HMGN5: variants seen among roughly 807,000 people sequenced by gnomAD.
The protein encoded by HMGN5 is high mobility group nucleosome-binding domain-containing protein 5.
A neutral mutation model predicts 9.5 loss-of-function variants in HMGN5; 4 were observed. The observed-to-expected ratio is 0.42, with a 90% CI of 0.21 to 0.96. HMGN5 has a LOEUF of 0.96. Among genes scored for constraint, HMGN5 ranks in the 40% least tolerant of loss-of-function variants. HMGN5 has a pLI of 0.30. For missense variants in HMGN5, 192 were observed against 187.5 expected, an observed-to-expected ratio of 1.02 and a Z score of -0.14; for synonymous variants, 55 against 57.1, an observed-to-expected ratio of 0.96 and a Z score of 0.16.
chrX:81,142,213 T>G (rs954292741), intron 1 of HMGN5, among the ~76,000 whole-genome samples: 1 of 111,820 alleles, frequency 8.9e-6, no homozygotes, highest in African/African-American at 3.3e-5. Flanking sequence ...CCTCAGGATC[T>G]AGAAAACAGC....
At position 81,121,618 on chromosome X, in the gene HMGN5, TC is replaced by T; in HGVS notation, c.-70del. 14 of 840,278 alleles carry T rather than the reference TC, an allele frequency of 1.7e-5. No individual in the cohort carries two copies. The highest frequency in any genetic ancestry group is 2.4e-5 in the Non-Finnish European group (14 of 591,908). 69.2% of individuals were successfully genotyped at this position (840,278 alleles called of 1,213,427 possible). ...CCGAAGGCAGTCACTGCCTGACTGC[TC>T]CAAGAGCAAATGAGTTTTCAATGAA... On this transcript the variant is annotated 5_prime_UTR_variant, in exon 2 of 7. Transcript: ENST00000358130.
chrX:81,114,942 C>A lies in HMGN5; in HGVS notation c.556G>T (p.Gly186Ter), dbSNP rs912785019. 8.6e-7 allele frequency: 1 copy of A among 1,157,815 alleles called. No homozygotes were observed. The highest frequency in any genetic ancestry group is 1.8e-5 in the African/African-American group (1 of 54,892). The stretch of plus-strand genomic sequence containing the variant: ...TCTCCTTTCTCTTTTCCATCTTCTC[C>A]ATTTCCTTTTCCGTCTTCACCTTTT... Reference protein sequence around the residue: ...GKKGEDGKGNGEDGKEKGEDE... With the variant: ...GKKGEDGKGN The change falls in exon 7 of 7, where the codon GGA becomes TGA. Residue 186 changes from glycine to a stop codon, truncating the protein, a stop_gained. Coordinates refer to ENST00000358130, the MANE Select transcript of HMGN5 (RefSeq NM_030763.3). LOFTEE classifies it low-confidence loss of function (END_TRUNC).
At chrX:81,186,446 T>C (rs1602582533) in intron 1 of HMGN5, among the ~76,000 whole-genome samples, 1 of 112,155 alleles carries the variant, frequency 8.9e-6, no homozygotes, top group Middle Eastern at 4.6e-3. Context: ...TCAGTATCAA[T>C]TGAAATGTCA....
At chrX:81,180,485 C>CA (rs769473695) in intron 1 of HMGN5, among the ~76,000 whole-genome samples, 1 of 112,242 alleles carries the variant, frequency 8.9e-6, no homozygotes, top group Admixed American at 9.4e-5. Flanking sequence ...AAATGCAAAT[C>CA]AAAACCACAG....
At chrX:81,136,946 T>C (rs2075312763) in intron 1 of HMGN5, among the ~76,000 whole-genome samples, 1 of 111,440 alleles carries the variant, frequency 9.0e-6, no homozygotes, top group Non-Finnish European at 1.9e-5. Flanking sequence ...TTACTAGAGA[T>C]AGAGGGACTT....
chrX:81,163,669 TCCTAA>T (rs1024289484), intron 1 of HMGN5, among the ~76,000 whole-genome samples: 6 of 112,027 alleles, frequency 5.4e-5, no homozygotes, highest in African/African-American at 1.9e-4. Context: ...CTTTCTACCT[TCCTAA>T]CCTAAGGAAT....
At position 81,167,453 on chromosome X, in the gene HMGN5, T is replaced by TACAC. The variant is rs371953666; in HGVS notation, c.-124+34280_-124+34283dup. The stretch of plus-strand genomic sequence containing the variant: ...GCTTTATCCAGCAAACATATTTGTG[T>TACAC]ACACACACACACACACACACACACA... On this transcript the variant is annotated intron_variant, in intron 1 of 6. Coordinates refer to ENST00000358130, the MANE Select transcript of HMGN5 (RefSeq NM_030763.3). Among the ~76,000 whole-genome samples the TACAC allele has an allele frequency of 3.2e-3, 328 of 102,915 alleles. 3 individuals carry two copies. The highest frequency in any genetic ancestry group is 0.014 in the East Asian group (46 of 3,265). 89.4% of individuals were successfully genotyped at this position (102,915 alleles called of 115,157 possible).
chrX:81,160,156 T>C (rs1040343549), intron 1 of HMGN5, among the ~76,000 whole-genome samples: 1 of 111,419 alleles, frequency 9.0e-6, no homozygotes, highest in Admixed American at 9.6e-5. Context: ...TCAACCTTGA[T>C]AAAGATATCT....
intron 1 of HMGN5, among the ~76,000 whole-genome samples, chrX:81,165,092 A>G (rs908329956): frequency 9.0e-6 from 1 of 111,545 alleles, no homozygotes; most frequent in Non-Finnish European, 1.9e-5. Context: ...ATAATCCTTT[A>G]TCTGACATCA....
chrX:81,117,621 A>G (rs779807967), intron 5 of HMGN5, among the ~76,000 whole-genome samples: 86 of 111,283 alleles, frequency 7.7e-4, no homozygotes, highest in Non-Finnish European at 1.4e-3. Context: ...AACCTTATAT[A>G]ATAGTGGACT....
At chrX:81,178,718 T>G (rs1469821383) in intron 1 of HMGN5, among the ~76,000 whole-genome samples, 1 of 111,757 alleles carries the variant, frequency 8.9e-6, no homozygotes, top group African/African-American at 3.3e-5. Flanking sequence ...AACATCATCT[T>G]GATACCAAAG....
intron 1 of HMGN5, among the ~76,000 whole-genome samples, chrX:81,162,399 C>CT (rs1376073902): frequency 2.8e-5 from 3 of 105,622 alleles, no homozygotes; most frequent in Non-Finnish European, 5.8e-5. Flanking sequence ...CAAACATAAG[C>CT]TTTTTTTATG....
At chrX:81,173,094 TAATAA>T (rs749368802) in intron 1 of HMGN5, among the ~76,000 whole-genome samples, 7 of 111,355 alleles carry the variant, frequency 6.3e-5, no homozygotes, top group Middle Eastern at 9.6e-3. Context: ...CTGTTTGGAT[TAATAA>T]AATATTAGAA....
chrX:81,123,574 G>C (rs2147540641), intron 1 of HMGN5, among the ~76,000 whole-genome samples: 1 of 112,015 alleles, frequency 8.9e-6, no homozygotes, highest in Non-Finnish European at 1.9e-5. Context: ...AAAATGAAGG[G>C]AATGAAAATG....
intron 1 of HMGN5, among the ~76,000 whole-genome samples, chrX:81,184,286 C>T (rs1212126875): frequency 9.0e-6 from 1 of 111,201 alleles, no homozygotes; most frequent in African/African-American, 3.3e-5. Flanking sequence ...ACCTTCTGCC[C>T]CCTTGCTCCT....
At chrX:81,172,384 T>G (rs1440308543) in intron 1 of HMGN5, among the ~76,000 whole-genome samples, 3 of 110,711 alleles carry the variant, frequency 2.7e-5, no homozygotes, top group African/African-American at 9.8e-5. Flanking sequence ...TGGGTGGTTA[T>G]GTGGAAAAAT....
intron 1 of HMGN5, among the ~76,000 whole-genome samples, chrX:81,149,794 CT>C: frequency 8.9e-6 from 1 of 111,887 alleles, no homozygotes; most frequent in Admixed American, 9.5e-5. Flanking sequence ...CAAGACAAAA[CT>C]ATAACAAGAG....
intron 1 of HMGN5, among the ~76,000 whole-genome samples, chrX:81,122,491 A>T (rs938416600): frequency 8.9e-6 from 1 of 112,071 alleles, no homozygotes; most frequent in Admixed American, 9.4e-5. Context: ...TACTCGCCTC[A>T]GGCACAAAAT....
At chrX:81,170,264 C>A (rs2075422564) in intron 1 of HMGN5, among the ~76,000 whole-genome samples, 1 of 110,438 alleles carries the variant, frequency 9.1e-6, no homozygotes, top group African/African-American at 3.3e-5. Context: ...TACCCATGTC[C>A]CTTAAGTACT....
Sources: allele counts gnomAD v4.1 joint callset (sites outside exome capture counted in the v4.1 genomes callset), GRCh38; gene constraint gnomAD v4.1.1; transcripts MANE v1.5; gene names NCBI Gene and HGNC (gene_info 2026-07-23, HGNC 2026-07-21).